The following NANOS3 variants were observed in gnomAD, a reference collection of about 807,000 sequenced individuals.
NANOS3 encodes the protein nanos C2HC-type zinc finger 3.
A neutral mutation model predicts 13.8 loss-of-function variants in NANOS3; 11 were observed. That is an observed-to-expected ratio of 0.80 (90% confidence interval 0.50 to 1.32). The LOEUF is 1.32. NANOS3 is among the 40% of genes most tolerant of loss of function. NANOS3 has a pLI of 0.00. For synonymous variants in NANOS3, 119 were observed against 115.4 expected (o/e 1.03, Z -0.20); for missense variants, 221 against 263.8 (o/e 0.84, Z 1.12).
upstream of NANOS3, chr19:13,875,062 GA>G: frequency 2.4e-6 from 1 of 422,752 alleles, no homozygotes; most frequent in South Asian, 1.9e-5. Context: ...TTTTTGCCCT[GA>G]CCCCAACCAC....
At chr19:13,875,179 T>TA (rs1432484469), upstream of NANOS3, among the ~76,000 whole-genome samples, 1 of 149,916 alleles carries the variant, frequency 6.7e-6, no homozygotes, top group Admixed American at 6.6e-5. Context: ...GCAGGGCAGC[T>TA]AAAATCCCCT....
upstream of NANOS3, among the ~76,000 whole-genome samples, chr19:13,862,599 C>A (rs568848965): frequency 2.9e-3 from 441 of 151,994 alleles, 1 homozygote; most frequent in Middle Eastern, 0.01. Context: ...AGTGCAGTGG[C>A]ACAATCTCGG....
chr19:13,879,030 C>T (rs1006468955), intron 1 of NANOS3, among the ~76,000 whole-genome samples: 1 of 151,928 alleles, frequency 6.6e-6, no homozygotes, highest in Non-Finnish European at 1.5e-5. Context: ...CAACCTGTCT[C>T]CCGGGTTCAA....
chr19:13,867,141 ATG>A (rs1976254217), intron 1 of NANOS3, among the ~76,000 whole-genome samples: 1 of 151,946 alleles, frequency 6.6e-6, no homozygotes, highest in Non-Finnish European at 1.5e-5. Flanking sequence ...GGGTTTCACC[ATG>A]TTGGCCAGGC....
chr19:13,880,247 T>C (rs1401092686), intron 1 of NANOS3, among the ~76,000 whole-genome samples, 195 bp from the exon 2 acceptor site: 2 of 152,068 alleles, frequency 1.3e-5, no homozygotes, highest in African/African-American at 4.8e-5. Flanking sequence ...TCGGAACTCC[T>C]GTGCTTTGTC....
Position 13,879,121 on chromosome 19 carries a change from G to T in NANOS3, c.518-1321G>T, listed in dbSNP as rs1411630023. On this transcript the variant is annotated intron_variant, in intron 1 of 1. Transcript: ENST00000339133. ...CGCACGGCTAATTTTTGTATTTTTA[G>T]TACAGACGGGATTTCACCATCTTGG... Among the ~76,000 whole-genome samples the T allele has an allele frequency of 2.6e-5, 4 of 151,974 alleles. No homozygotes were observed. In the East Asian group the frequency reaches 7.7e-4, roughly 29 times the overall value.
intron 1 of NANOS3, 24 bp downstream of exon 1, chr19:13,877,789 G>A (rs760589568): frequency 1.3e-6 from 2 of 1,532,448 alleles, no homozygotes; most frequent in African/African-American, 2.7e-5. Flanking sequence ...TGGCTGGGGG[G>A]GACCTGTCCG....
At chr19:13,880,353 G>C in intron 1 of NANOS3, 89 bp from the exon 2 acceptor site, 1 of 1,249,330 alleles carries the variant, frequency 8.0e-7, no homozygotes, top group Non-Finnish European at 1.2e-6. Context: ...CAGAGGTCCA[G>C]CAGGCCCGGA....
At chr19:13,875,338 C>A (rs1599303587), upstream of NANOS3, among the ~76,000 whole-genome samples, 1 of 152,032 alleles carries the variant, frequency 6.6e-6, no homozygotes, top group African/African-American at 2.4e-5. Flanking sequence ...AGGCATCTGC[C>A]ACCACAGTGG....
intron 1 of NANOS3, among the ~76,000 whole-genome samples, chr19:13,869,728 C>T (rs1363741820): frequency 6.6e-6 from 1 of 151,618 alleles, no homozygotes; most frequent in Non-Finnish European, 1.5e-5. Flanking sequence ...CCTCCCCCAC[C>T]CCGTGTCCCC....
intron 1 of NANOS3, among the ~76,000 whole-genome samples, chr19:13,867,914 C>G (rs894876187): frequency 6.6e-6 from 1 of 152,110 alleles, no homozygotes; most frequent in Non-Finnish European, 1.5e-5. Context: ...TGCACATCTA[C>G]AATAATACTG....
upstream of NANOS3, among the ~76,000 whole-genome samples, chr19:13,875,366 T>A (rs1207928692): frequency 6.6e-6 from 1 of 151,728 alleles, no homozygotes. Flanking sequence ...TTTGTATTTT[T>A]AGTAGAGACG....
chr19:13,873,294 G>T, upstream of NANOS3, among the ~76,000 whole-genome samples: 1 of 150,832 alleles, frequency 6.6e-6, no homozygotes, highest in African/African-American at 2.4e-5. Flanking sequence ...GGGGCTCTCG[G>T]GGGCGCGTCC....
upstream of NANOS3, among the ~76,000 whole-genome samples, chr19:13,875,190 T>C (rs867412533): frequency 0.037 from 5,144 of 140,668 alleles, 284 homozygotes; most frequent in African/African-American, 0.13. Context: ...AAAATCCCCT[T>C]TTTTTTTTTT....
intron 1 of NANOS3, among the ~76,000 whole-genome samples, chr19:13,871,693 A>C (rs535656091): frequency 1.4e-4 from 22 of 152,260 alleles, no homozygotes; most frequent in African/African-American, 5.3e-4. Context: ...CCCAACATTA[A>C]AGCTGTTCAC....
At chr19:13,863,978 C>G (rs1976193830), upstream of NANOS3, among the ~76,000 whole-genome samples, 1 of 152,036 alleles carries the variant, frequency 6.6e-6, no homozygotes, top group African/African-American at 2.4e-5. Flanking sequence ...GGAAGGGGGC[C>G]AGTCAAAGGT....
chr19:13,878,923 TTTTC>T (rs906847694), intron 1 of NANOS3, among the ~76,000 whole-genome samples: 15 of 148,878 alleles, frequency 1.0e-4, no homozygotes, highest in East Asian at 4.0e-4. Flanking sequence ...CCCAGTGAGG[TTTTC>T]TTTCTTTCTT....
At chr19:13,875,313 A>G (rs547078201), upstream of NANOS3, among the ~76,000 whole-genome samples, 1 of 151,800 alleles carries the variant, frequency 6.6e-6, no homozygotes, top group African/African-American at 2.4e-5. Context: ...CAGCCTCCCA[A>G]GTAGCTGGGA....
At chr19:13,865,832 G>A (rs1305615224) in intron 1 of NANOS3, among the ~76,000 whole-genome samples, 8 of 150,782 alleles carry the variant, frequency 5.3e-5, no homozygotes, top group Non-Finnish European at 4.4e-5. Context: ...CCGCGCGCGG[G>A]GAGGCCACGG....
Sources: gnomAD v4.1 joint callset for allele counts (sites outside exome capture counted in the v4.1 genomes callset) on GRCh38, gnomAD v4.1.1 for gene constraint, MANE v1.5 for transcripts, NCBI Gene and HGNC (gene_info 2026-07-23, HGNC 2026-07-21) for gene names.